SH3BP4: variants seen among roughly 807,000 people sequenced by gnomAD.
The protein encoded by SH3BP4 is SH3 domain binding protein 4.
A neutral mutation model predicts 65.5 loss-of-function variants in SH3BP4; 33 were observed. The observed-to-expected ratio is 0.50, with a 90% CI of 0.38 to 0.67. The LOEUF is 0.67. Ranked by LOEUF, SH3BP4 falls within the 30% of genes least tolerant of loss-of-function variation. The probability of loss-of-function intolerance (pLI) is 0.00; values close to 1 mark genes in which losing one functional copy is unlikely to be tolerated. For synonymous variants in SH3BP4, 552 were observed against 545.5 expected (o/e 1.01, Z -0.17); for missense variants, 1,134 against 1,261.4 (o/e 0.90, Z 1.53).
intron 2 of SH3BP4, among the ~76,000 whole-genome samples, chr2:235,008,000 G>A (rs77508777): frequency 0.056 from 8,460 of 152,246 alleles, 818 homozygotes; most frequent in East Asian, 0.44. Flanking sequence ...AGGATGCCGC[G>A]TGAGCTGCAC....
chr2:234,956,398 A>T (rs965444540), intron 1 of SH3BP4, among the ~76,000 whole-genome samples: 3 of 152,234 alleles, frequency 2.0e-5, no homozygotes, highest in Admixed American at 2.0e-4. Flanking sequence ...TAATGAGATT[A>T]TTCTTATCTG....
chr2:235,028,612 A>G (rs77099293), intron 2 of SH3BP4, among the ~76,000 whole-genome samples: 2,588 of 152,334 alleles, frequency 0.017, 73 homozygotes, highest in African/African-American at 0.06. Context: ...AGGAGCAGAA[A>G]AAGACAAACA....
At chr2:234,956,173 C>T (rs543425238) in intron 1 of SH3BP4, among the ~76,000 whole-genome samples, 23 of 152,340 alleles carry the variant, frequency 1.5e-4, no homozygotes, top group African/African-American at 4.3e-4. Context: ...GAAACCCTCA[C>T]CCCGTCACCA....
rs934077077 is a variant in SH3BP4 at position 234,974,711 on chromosome 2, C to A, written c.-206-20592C>A. ...AGGGCGTTCACAAGCTCTCTTAGTT[C>A]CGAAAAATCGAGGGGTTCCTTGCCA... On this transcript the variant is annotated intron_variant, in intron 1 of 5. Transcript: ENST00000392011. The surrounding 1 kb of genome is among the most constrained non-coding windows in gnomAD (Gnocchi z 4.6). 6.6e-6 allele frequency among the ~76,000 whole-genome samples: 1 copy of A among 152,154 alleles called. No individual in the cohort carries two copies. The highest frequency in any genetic ancestry group is 2.4e-5 in the African/African-American group (1 of 41,436).
chr2:235,034,178 A>G lies in SH3BP4; in HGVS notation c.-132-693A>G, dbSNP rs1053784797. ...GCGCCCTTCCAGAAAAAAAAAGCAG[A>G]GGCCTTAGGGGTGATTCTTGTGGTC... is the stretch of plus-strand genomic sequence containing the variant. On this transcript the variant is annotated intron_variant, in intron 2 of 5. Coordinates refer to ENST00000392011, the MANE Select transcript of SH3BP4 (RefSeq NM_014521.3). The surrounding 1 kb of genome is among the most constrained non-coding windows in gnomAD (Gnocchi z 6.2). Among the ~76,000 whole-genome samples, 1 of 152,096 alleles carries G rather than the reference A, an allele frequency of 6.6e-6. No individual in the cohort carries two copies.
chr2:235,002,501 G>A (rs1694159109), intron 2 of SH3BP4, among the ~76,000 whole-genome samples: 1 of 152,142 alleles, frequency 6.6e-6, no homozygotes, highest in Non-Finnish European at 1.5e-5. Context: ...TGAAGCGGGC[G>A]GATCACTTGA....
At chr2:234,968,377 C>CTTTTTTTTTTTTTTTTTTTTAGTTTTTTT in intron 1 of SH3BP4, among the ~76,000 whole-genome samples, 1 of 105,764 alleles carries the variant, frequency 9.5e-6, no homozygotes, top group South Asian at 3.4e-4. Context: ...CAGAGTTGTT[C>CTTTTTTTTTTTTTTTTTTTTAGTTTTTTT]TTTTTTTTTT....
At chr2:235,011,710 A>G (rs376375321) in intron 2 of SH3BP4, among the ~76,000 whole-genome samples, 1 of 152,234 alleles carries the variant, frequency 6.6e-6, no homozygotes, top group Non-Finnish European at 1.5e-5. Flanking sequence ...CTCGACTTAC[A>G]TTAAGGAAGA....
At chr2:235,011,756 A>G (rs11690620) in intron 2 of SH3BP4, among the ~76,000 whole-genome samples, 16,272 of 152,314 alleles carry the variant, frequency 0.11, 1,326 homozygotes, top group East Asian at 0.28. Flanking sequence ...GTCAGAACAT[A>G]TGCCTGTACC....
At chr2:235,011,568 C>T (rs886473767) in intron 2 of SH3BP4, among the ~76,000 whole-genome samples, 4 of 152,330 alleles carry the variant, frequency 2.6e-5, no homozygotes, top group South Asian at 2.1e-4. Flanking sequence ...TTCCCTGGAT[C>T]GTAGTCTCTA....
intron 2 of SH3BP4, among the ~76,000 whole-genome samples, chr2:235,000,904 A>T (rs1694077339): frequency 2.0e-5 from 3 of 152,208 alleles, no homozygotes; most frequent in Non-Finnish European, 4.4e-5. Flanking sequence ...GCTTGTGGGC[A>T]GGCGTCACCT....
At chr2:234,984,980 A>C (rs533177150) in intron 1 of SH3BP4, among the ~76,000 whole-genome samples, 15 of 152,226 alleles carry the variant, frequency 9.9e-5, no homozygotes, top group African/African-American at 3.4e-4. Flanking sequence ...CCATGAGACT[A>C]TGCCCTAGAA....
intron 3 of SH3BP4, among the ~76,000 whole-genome samples, chr2:235,039,776 A>G (rs1250521531): frequency 6.6e-6 from 1 of 152,204 alleles, no homozygotes; most frequent in African/African-American, 2.4e-5. Flanking sequence ...ACAGAGTTCA[A>G]TGGCAGGAGC....
At chr2:235,032,845 G>T (rs953960609) in intron 2 of SH3BP4, among the ~76,000 whole-genome samples, 1 of 152,148 alleles carries the variant, frequency 6.6e-6, no homozygotes, top group African/African-American at 2.4e-5. Flanking sequence ...GGGCGTCCGG[G>T]GTTCTCCCCA....
chr2:235,022,953 C>T (rs1694889487), intron 2 of SH3BP4, among the ~76,000 whole-genome samples: 1 of 152,146 alleles, frequency 6.6e-6, no homozygotes, highest in South Asian at 2.1e-4. Flanking sequence ...GACCTTGTCC[C>T]TCCTCACATC....
At position 235,041,513 on chromosome 2, in the gene SH3BP4, G is replaced by A. The variant is rs143331239; in HGVS notation, c.744G>A (p.Ser248=). The change falls in exon 4 of 6, where the codon TCG becomes TCA. Residue 248 remains serine, a synonymous_variant. Transcript: ENST00000392011. The surrounding 1 kb of genome is among the most constrained non-coding windows in gnomAD (Gnocchi z 6.0). ...FFRSKRSYSL[S]ELSVLQAKSD... is the part of the protein sequence containing the mutation. ...GAAGCAAGCGCTCCTACAGTCTCTC[G>A]GAACTCTCCGTCCTCCAAGCCAAGT... is the stretch of plus-strand genomic sequence containing the variant. The A allele has an allele frequency of 5.1e-5, 82 of 1,614,112 alleles. No homozygotes were observed. In the African/African-American group the frequency reaches 7.6e-4, roughly 15 times the overall value.
intron 2 of SH3BP4, among the ~76,000 whole-genome samples, chr2:235,003,281 C>T (rs1395956988): frequency 6.6e-6 from 1 of 152,210 alleles, no homozygotes; most frequent in Non-Finnish European, 1.5e-5. Flanking sequence ...AGAACTCTCC[C>T]CTGGCCAGGG....
rs1172388411 is a variant in SH3BP4 at position 235,045,022 on chromosome 2, G to A, written c.2478+1775G>A. Among the ~76,000 whole-genome samples the A allele has an allele frequency of 6.6e-6, 1 of 152,188 alleles. No individual in the cohort carries two copies. Among genetic ancestry groups the A allele is most frequent in the Non-Finnish European group, 1.5e-5 (1 of 68,026 alleles). ...TCCGGGCCCCCATGTGGGGTCACCT[G>A]CAGGGAGGGGATGGCCTGCGTCCCT... On this transcript the variant is annotated intron_variant, in intron 4 of 5. Transcript: ENST00000392011. The surrounding 1 kb of genome is among the most constrained non-coding windows in gnomAD (Gnocchi z 4.3).
intron 4 of SH3BP4, among the ~76,000 whole-genome samples, chr2:235,049,997 A>C (rs1316935347): frequency 6.6e-6 from 1 of 152,014 alleles, no homozygotes; most frequent in East Asian, 1.9e-4. Context: ...TGTGAAACCC[A>C]CTTCCCCTCT....
Sources: gnomAD v4.1 joint callset for allele counts (sites outside exome capture counted in the v4.1 genomes callset) on GRCh38, gnomAD v4.1.1 for gene constraint, Gnocchi (gnomAD v3.1) non-coding constraint, MANE v1.5 for transcripts, NCBI Gene and HGNC (gene_info 2026-07-23, HGNC 2026-07-21) for gene names.